EPX: variants seen among roughly 807,000 people sequenced by gnomAD.
The protein encoded by EPX is eosinophil peroxidase.
In EPX, 60 loss-of-function variants were observed where a neutral mutation model predicts 73.0. The ratio of observed to expected loss-of-function variants is 0.82; its 90% CI spans 0.67 to 1.02. The LOEUF is 1.02. Among genes scored for constraint, EPX ranks in the 50% least tolerant of loss-of-function variants. The pLI is 0.00. For missense variants in EPX, 950 were observed against 973.9 expected, an observed-to-expected ratio of 0.98 and a Z score of 0.33; for synonymous variants, 347 against 389.2, an observed-to-expected ratio of 0.89 and a Z score of 1.28.
chr17:58,198,628 G>A (rs770739494), intron 7 of EPX, among the ~76,000 whole-genome samples: 12 of 152,182 alleles, frequency 7.9e-5, no homozygotes, highest in Non-Finnish European at 4.4e-5. Context: ...ATAGGAAGAG[G>A]TACACCAGCC....
At chr17:58,193,937 C>T in intron 4 of EPX, 26 bp from the exon 5 acceptor site, 1 of 1,612,756 alleles carries the variant, frequency 6.2e-7, no homozygotes, top group East Asian at 2.2e-5. Flanking sequence ...CTGCCCCCTG[C>T]TAACCTATCC....
At position 58,204,209 on chromosome 17, in the gene EPX, G is replaced by A. The variant is rs912587619; in HGVS notation, c.1947-13G>A. On this transcript the variant is annotated splice_polypyrimidine_tract_variant and intron_variant, in intron 11 of 12. Coordinates refer to ENST00000225371, the MANE Select transcript of EPX (RefSeq NM_000502.6). ...TCCCCAGCCTTCACCCACATCTCTC[G>A]ACTGCCTGGTAGGTTCTGGTGGCAG... 15 of 1,608,644 alleles carry A rather than the reference G, an allele frequency of 9.3e-6. No homozygotes were observed. The highest frequency in any genetic ancestry group is 8.0e-5 in the African/African-American group (6 of 74,786).
intron 1 of EPX, 48 bp from the exon 2 acceptor site, chr17:58,192,990 G>A: frequency 6.3e-7 from 1 of 1,594,250 alleles, no homozygotes; most frequent in Non-Finnish European, 8.6e-7. Flanking sequence ...GGGTCTTGGA[G>A]GGGGTCTTGT....
rs1278834475 is a variant in EPX at position 58,192,881 on chromosome 17, C to G, written c.35C>G (p.Ala12Gly). ...HLLPALAGVL[A>G]TLVLAQPCEG... ...CTCCCAGCCCTGGCAGGGGTCCTGG[C>G]CACACTCGTCCTCGCCCAGCCCTGT... Residue 12 changes from alanine to glycine, a missense_variant, in exon 1 of 13, where the codon GCC becomes GGC. Ala to Gly is a moderately conservative substitution (Grantham distance 60). Coordinates refer to ENST00000225371, the MANE Select transcript of EPX (RefSeq NM_000502.6). 6.2e-7 allele frequency: 1 copy of G among 1,614,110 alleles called. No individual in the cohort carries two copies.
At chr17:58,195,698 TCA>T (rs35352002) in intron 6 of EPX, among the ~76,000 whole-genome samples, 39 of 151,566 alleles carry the variant, frequency 2.6e-4, no homozygotes, top group Middle Eastern at 3.4e-3. Context: ...ACACACTCTC[TCA>T]CACACACACA....
rs1968363663 is a variant in EPX at position 58,203,158 on chromosome 17, C to G, written c.1786C>G (p.Gln596Glu). The part of the protein sequence containing the change: ...LAQLSRVLKN[Q>E]DLARKFLNLY... ...ACAGCTTAGCCGGGTGCTGAAAAAC[C>G]AGGACTTGGCAAGGAAGTTCCTGAA... Residue 596 changes from glutamine (Q) to glutamate (E), a missense_variant, in exon 11 of 13, where the codon CAG (glutamine) becomes GAG (glutamate). Transcript: ENST00000225371. 3 of 1,614,096 alleles carry G rather than the reference C, an allele frequency of 1.9e-6. No individual in the cohort carries two copies. The highest frequency in any genetic ancestry group is 1.7e-5 in the Admixed American group (1 of 60,006).
intron 9 of EPX, 46 bp downstream of exon 9, chr17:58,199,840 A>G: frequency 1.9e-6 from 3 of 1,596,378 alleles, no homozygotes; most frequent in African/African-American, 1.3e-5. Flanking sequence ...GGTGGGGAGC[A>G]TGCCCTCCCC....
chr17:58,204,655 T>G lies in EPX; in HGVS notation c.*12-81T>G, dbSNP rs1323624481. Reference sequence around the variant, plus strand: ...TTAGGAGCATCCAACTATCCTCAGCTTGGTCACTAATACCTGAAAACAGCT... The same window carrying G: ...TTAGGAGCATCCAACTATCCTCAGCGTGGTCACTAATACCTGAAAACAGCT... On this transcript the variant is annotated intron_variant, in intron 12 of 12. Transcript: ENST00000225371. 5.2e-6 allele frequency: 3 copies of G among 573,514 alleles called. No homozygotes were observed. The Admixed American group carries it at 9.1e-5, about 17-fold the overall frequency. 35.5% of individuals were successfully genotyped at this position (573,514 alleles called of 1,614,324 possible). A position where few individuals can be genotyped will look rare whatever the true frequency, so the allele number is the denominator to read the frequency against.
Position 58,194,019 on chromosome 17 carries a change from A to T in EPX, c.521A>T (p.Glu174Val), listed in dbSNP as rs200350821. 1 of 1,613,162 alleles carries T rather than the reference A, an allele frequency of 6.2e-7. No homozygotes were observed. Among genetic ancestry groups the T allele is most frequent in the Non-Finnish European group, 8.5e-7 (1 of 1,179,944 alleles). The change falls in exon 5 of 13, where the codon GAG becomes GTG. Residue 174 changes from glutamate (E) to valine (V), a missense_variant. Coordinates refer to ENST00000225371, the MANE Select transcript of EPX (RefSeq NM_000502.6). ...NQALARWLPA[E>V]YEDGLSLPFG... ...GCTCTGGCTCGCTGGCTGCCCGCCG[A>T]GTATGAGGATGGGCTGTCGCTCCCC... is the stretch of plus-strand genomic sequence containing the variant.
At chr17:58,199,474 C>G (rs1968307969) in intron 8 of EPX, 65 bp from the exon 9 acceptor site, 1 of 1,578,992 alleles carries the variant, frequency 6.3e-7, no homozygotes, top group Non-Finnish European at 8.7e-7. Flanking sequence ...CTGAGCCACC[C>G]TTTGAAAAGG....
Position 58,203,229 on chromosome 17 carries a change from C to T in EPX, c.1857C>T (p.Ile619=), listed in dbSNP as rs142422466. The T allele has an allele frequency of 1.7e-5, 27 of 1,614,076 alleles. No individual in the cohort carries two copies. The highest frequency in any genetic ancestry group is 1.6e-4 in the African/African-American group (12 of 74,948). The change falls in exon 11 of 13, where the codon ATC becomes ATT. Residue 619 remains isoleucine, a synonymous_variant. Coordinates refer to ENST00000225371, the MANE Select transcript of EPX (RefSeq NM_000502.6). ...ACATTGACATCTGGATTGGGGCCAT[C>T]GCTGAGCCTCTTTTGCCGGGGGCTC... ...PDNIDIWIGA[I]AEPLLPGARV... is the part of the protein sequence containing the mutation.
At position 58,197,157 on chromosome 17, in the gene EPX, C is replaced by T; in HGVS notation, c.1020C>T (p.Arg340=). 1 of 1,614,186 alleles carries T rather than the reference C, an allele frequency of 6.2e-7. No homozygotes were observed. The highest frequency in any genetic ancestry group is 8.5e-7 in the Non-Finnish European group (1 of 1,180,040). ...NYLGLLAINQ[R]FQDNGRALLP... The stretch of plus-strand genomic sequence containing the variant: ...TGGGGCTGCTGGCCATCAACCAGCG[C>T]TTTCAAGACAACGGCCGGGCCCTGC... The change falls in exon 7 of 13, where the codon CGC becomes CGT. Residue 340 remains arginine (R), a synonymous_variant. Transcript: ENST00000225371.
At position 58,204,978 on chromosome 17, in the gene EPX, T is replaced by C. The variant is rs1373661285; in HGVS notation, c.*254T>C. On this transcript the variant is annotated 3_prime_UTR_variant, in exon 13 of 13. Coordinates refer to ENST00000225371, the MANE Select transcript of EPX (RefSeq NM_000502.6). ...GTGCAAAGGCTTGGGAGCCAAGCCA[T>C]GTGGTCTTGCACCCCAGGCAAGAAA... 3 of 166,032 alleles carry C rather than the reference T, an allele frequency of 1.8e-5. No homozygotes were observed. The highest frequency in any genetic ancestry group is 4.0e-5 in the Non-Finnish European group (3 of 75,502). 10.3% of individuals were successfully genotyped at this position (166,032 alleles called of 1,614,324 possible).
chr17:58,201,821 A>G (rs977395161), intron 10 of EPX, among the ~76,000 whole-genome samples: 1 of 152,038 alleles, frequency 6.6e-6, no homozygotes, highest in Admixed American at 6.5e-5. Flanking sequence ...AGTTTGGACT[A>G]ACATTCTTGC....
At chr17:58,199,930 A>T in intron 9 of EPX, 136 bp downstream of exon 9, 1 of 1,000,576 alleles carries the variant, frequency 1.0e-6, no homozygotes, top group Non-Finnish European at 1.5e-6. Context: ...AGTGGAAACA[A>T]GGCAGGTGCC....
intron 10 of EPX, among the ~76,000 whole-genome samples, chr17:58,201,880 C>T (rs1370099770): frequency 6.6e-6 from 1 of 152,202 alleles, no homozygotes; most frequent in African/African-American, 2.4e-5. Flanking sequence ...GATCGCTAGC[C>T]ACCCAAGTTT....
At chr17:58,193,299 G>A in intron 2 of EPX, 72 bp from the exon 3 acceptor site, 3 of 1,481,374 alleles carry the variant, frequency 2.0e-6, no homozygotes, top group Non-Finnish European at 2.8e-6. Flanking sequence ...TCCTGACTGT[G>A]CCCCAGGACT....
intron 3 of EPX, 80 bp downstream of exon 3, chr17:58,193,626 C>T: frequency 1.3e-6 from 2 of 1,569,852 alleles, no homozygotes; most frequent in Non-Finnish European, 8.8e-7. Flanking sequence ...GCAGGGTGCA[C>T]AGGTTTGGGG....
chr17:58,202,118 A>G (rs1462366196), intron 10 of EPX, among the ~76,000 whole-genome samples: 1 of 152,204 alleles, frequency 6.6e-6, no homozygotes, highest in Non-Finnish European at 1.5e-5. Context: ...GCACCTCAAA[A>G]AGGTGCTGTG....
Sources: gnomAD v4.1 joint callset for allele counts (sites outside exome capture counted in the v4.1 genomes callset) on GRCh38, gnomAD v4.1.1 for gene constraint, MANE v1.5 for transcripts, NCBI Gene and HGNC (gene_info 2026-07-23, HGNC 2026-07-21) for gene names.